Variants in CPVL observed in about 807,000 individuals in gnomAD.
CPVL encodes carboxypeptidase vitellogenic like.
A neutral mutation model predicts 63.7 loss-of-function variants in CPVL; 51 were observed. The observed-to-expected ratio is 0.80, with a 90% CI of 0.64 to 1.01. The LOEUF (loss-of-function observed/expected upper bound fraction) is 1.01. CPVL is among the 50% of genes least tolerant of loss of function. CPVL has a pLI of 0.00. For missense variants in CPVL, 530 were observed against 573.1 expected, an observed-to-expected ratio of 0.92 and a Z score of 0.77; for synonymous variants, 195 against 206.0, an observed-to-expected ratio of 0.95 and a Z score of 0.46.
chr7:29,002,973 A>G (rs1203158534), intron 12 of CPVL, among the ~76,000 whole-genome samples: 1 of 121,670 alleles, frequency 8.2e-6, no homozygotes, highest in Non-Finnish European at 1.7e-5. Context: ...GGGGCAAAAG[A>G]AACAAATAGT....
chr7:29,075,430 A>G (rs1784141911), intron 7 of CPVL, among the ~76,000 whole-genome samples: 3 of 149,578 alleles, frequency 2.0e-5, no homozygotes, highest in Admixed American at 6.8e-5. Context: ...CTGGAATTCT[A>G]CCCTGGCTTG....
At chr7:29,004,030 C>G (rs1784931197) in intron 12 of CPVL, among the ~76,000 whole-genome samples, 1 of 152,164 alleles carries the variant, frequency 6.6e-6, no homozygotes, top group Non-Finnish European at 1.5e-5. Flanking sequence ...GTAAGGTACA[C>G]TTTTATATCT....
intron 11 of CPVL, among the ~76,000 whole-genome samples, chr7:29,056,464 C>T (rs757106707): frequency 2.0e-5 from 3 of 152,194 alleles, no homozygotes; most frequent in Admixed American, 6.5e-5. Flanking sequence ...AGATTGGCTT[C>T]TTTCACTCAG....
At chr7:29,190,015 C>T (rs1178718909) in intron 1 of CPVL, among the ~76,000 whole-genome samples, 3 of 152,260 alleles carry the variant, frequency 2.0e-5, no homozygotes, top group African/African-American at 7.2e-5. Flanking sequence ...CCTGCGGCGT[C>T]TGAGCTGCCT....
upstream of CPVL, chr7:29,146,595 C>T: frequency 1.9e-6 from 3 of 1,550,274 alleles, no homozygotes; most frequent in African/African-American, 1.4e-5. Context: ...TGACCCAGAC[C>T]CACAGGGCAA....
At chr7:29,050,020 T>G in intron 11 of CPVL, among the ~76,000 whole-genome samples, 1 of 151,852 alleles carries the variant, frequency 6.6e-6, no homozygotes, top group East Asian at 1.9e-4. Context: ...CATACCTCAA[T>G]GTAATAAAAG....
At chr7:29,144,647 T>C (rs1484992556) in intron 1 of CPVL, among the ~76,000 whole-genome samples, 2 of 152,134 alleles carry the variant, frequency 1.3e-5, no homozygotes, top group Non-Finnish European at 2.9e-5. Context: ...AAGAACTGAG[T>C]TCCTCCCCTC....
At chr7:29,176,475 A>G (rs985367083) in intron 5 of CPVL, among the ~76,000 whole-genome samples, 2 of 152,210 alleles carry the variant, frequency 1.3e-5, no homozygotes, top group African/African-American at 4.8e-5. Context: ...ATGTCTCTTC[A>G]AATTGCTGAA....
chr7:29,001,955 G>A (rs1476356486), intron 12 of CPVL, among the ~76,000 whole-genome samples: 1 of 152,104 alleles, frequency 6.6e-6, no homozygotes, highest in Non-Finnish European at 1.5e-5. Flanking sequence ...GAATTAAAAA[G>A]AAAATAAGCT....
intron 7 of CPVL, among the ~76,000 whole-genome samples, chr7:29,084,542 AGGGCATG>A (rs1287399253): frequency 6.6e-6 from 1 of 152,220 alleles, no homozygotes; most frequent in Non-Finnish European, 1.5e-5. Flanking sequence ...TCTAGAATGT[AGGGCATG>A]GATTTTTTTG....
At chr7:29,132,051 A>G (rs1374103066) in intron 1 of CPVL, among the ~76,000 whole-genome samples, 1 of 152,228 alleles carries the variant, frequency 6.6e-6, no homozygotes, top group Non-Finnish European at 1.5e-5. Flanking sequence ...TAAGAAAATC[A>G]AAGCAGGATA....
At chr7:29,156,359 A>T (rs1794371544) in intron 5 of CPVL, among the ~76,000 whole-genome samples, 1 of 152,222 alleles carries the variant, frequency 6.6e-6, no homozygotes, top group African/African-American at 2.4e-5. Context: ...TCTAAAATTG[A>T]TATGAAGGAC....
At position 29,054,023 on chromosome 7, in the gene CPVL, G is replaced by A. The variant is rs554369609; in HGVS notation, c.1137+10038C>T. On this transcript the variant is annotated intron_variant, in intron 11 of 12. Transcript: ENST00000265394. ...CTAGGAGTTTGAGACAGTAAGATAT[G>A]ACCACACCACTGTACTCCAGCCTAG... 3.3e-5 allele frequency among the ~76,000 whole-genome samples: 5 copies of A among 152,108 alleles called. No individual in the cohort carries two copies. In the South Asian group the frequency reaches 1.0e-3, roughly 32 times the overall value.
chr7:29,083,078 T>A (rs1584209887), intron 7 of CPVL, among the ~76,000 whole-genome samples: 1 of 152,172 alleles, frequency 6.6e-6, no homozygotes, highest in East Asian at 1.9e-4. Flanking sequence ...CCTGACTGCA[T>A]AACTGGCTTA....
intron 3 of CPVL, among the ~76,000 whole-genome samples, chr7:29,110,219 G>C (rs142704426): frequency 6.9e-4 from 105 of 152,326 alleles, no homozygotes; most frequent in African/African-American, 2.4e-3. Flanking sequence ...CAGCTAGAGT[G>C]GGGGAGGAGG....
intron 9 of CPVL, 27 bp downstream of exon 9, chr7:29,071,746 G>C: frequency 1.1e-6 from 1 of 882,020 alleles, no homozygotes; most frequent in Non-Finnish European, 1.6e-6. Flanking sequence ...AATTGCTCAA[G>C]GGCAGCACAG....
chr7:29,093,076 T>C (rs1785992605), intron 5 of CPVL, among the ~76,000 whole-genome samples: 1 of 152,158 alleles, frequency 6.6e-6, no homozygotes. Context: ...GGAGAGTGCA[T>C]GGCTCTGTCC....
rs570185456 is a variant in CPVL at position 29,168,745 on chromosome 7, T to G, written c.-11+12545A>C. The stretch of plus-strand genomic sequence containing the variant: ...GATGGCTAAACACACTTAAAAACTA[T>G]TTTTCCATTATATTATGCTAAAAGC... On this transcript the variant is annotated intron_variant, in intron 5 of 16. Coordinates refer to the CPVL transcript ENST00000409850. Among the ~76,000 whole-genome samples, 54 of 152,372 alleles carry G rather than the reference T, an allele frequency of 3.5e-4. 1 individual carries two copies. Among genetic ancestry groups the G allele is most frequent in the African/African-American group, 1.2e-3 (49 of 41,596 alleles).
At position 28,995,704 on chromosome 7, in the gene CPVL, C is replaced by A. The variant is rs915166345; in HGVS notation, c.*68G>T. ...AAAGATAATTTTTTTATTCCTATGA[C>A]ATTTTCTGTTTTTACGATTTTCTTT... On this transcript the variant is annotated 3_prime_UTR_variant, in exon 13 of 13. Transcript: ENST00000265394. 15 of 914,876 alleles carry A rather than the reference C, an allele frequency of 1.6e-5. No homozygotes were observed. Among genetic ancestry groups the A allele is most frequent in the Admixed American group, 2.6e-5 (1 of 38,798 alleles). The allele number at this position is 914,876 out of a possible 1,614,324, so 56.7% of individuals were successfully genotyped here. A position where few individuals can be genotyped will look rare whatever the true frequency, so the allele number is the denominator to read the frequency against.
Sources: gnomAD v4.1 joint callset for allele counts (sites outside exome capture counted in the v4.1 genomes callset) on GRCh38, gnomAD v4.1.1 for gene constraint, MANE v1.5 for transcripts, NCBI Gene and HGNC (gene_info 2026-07-23, HGNC 2026-07-21) for gene names.